UTP6: variants seen among roughly 807,000 people sequenced by gnomAD.
UTP6 encodes UTP6 small subunit processome component, also known as U3 small nucleolar RNA-associated protein 6 homolog.
A neutral mutation model predicts 96.5 loss-of-function variants in UTP6; 60 were observed. That is an observed-to-expected ratio of 0.62 (90% CI 0.51 to 0.77). UTP6 has a LOEUF of 0.77. Ranked by LOEUF, UTP6 falls within the 30% of genes least tolerant of loss-of-function variation. The pLI, the probability that UTP6 is intolerant of heterozygous loss-of-function variation, is 0.00. For synonymous variants in UTP6, 215 were observed against 240.1 expected (o/e 0.90, Z 0.96); for missense variants, 637 against 706.5 (o/e 0.90, Z 1.12).
rs1012038708 is a variant in UTP6 at position 31,861,520 on chromosome 17, G to A, written c.*1839C>T. Reference sequence around the variant, plus strand: ...AGTCCCAGCTACTCAAGAGGCTGAGGTGGGAGGATCTCTTGAGCCCAGAAG... The same window carrying A: ...AGTCCCAGCTACTCAAGAGGCTGAGATGGGAGGATCTCTTGAGCCCAGAAG... On this transcript the variant is annotated 3_prime_UTR_variant, in exon 19 of 19. Coordinates refer to ENST00000261708, the MANE Select transcript of UTP6 (RefSeq NM_018428.3). The A allele has an allele frequency of 1.3e-5, 2 of 151,862 alleles. No homozygotes were observed. Among genetic ancestry groups the A allele is most frequent in the Non-Finnish European group, 1.5e-5 (1 of 68,020 alleles). 9.4% of individuals were successfully genotyped at this position (151,862 alleles called of 1,614,324 possible).
At chr17:31,896,890 A>C (rs1904684393) in intron 2 of UTP6, among the ~76,000 whole-genome samples, 1 of 152,046 alleles carries the variant, frequency 6.6e-6, no homozygotes, top group Admixed American at 6.6e-5. Context: ...CCTGTCTCAC[A>C]CGTGAGCCGC....
chr17:31,870,732 C>G (rs1471864418), intron 16 of UTP6, among the ~76,000 whole-genome samples: 2 of 151,794 alleles, frequency 1.3e-5, no homozygotes, highest in Admixed American at 6.6e-5. Context: ...ACCATATTAG[C>G]CAGGATGGTC....
intron 2 of UTP6, among the ~76,000 whole-genome samples, chr17:31,896,743 C>G (rs1268327789): frequency 6.6e-6 from 1 of 151,690 alleles, no homozygotes; most frequent in East Asian, 2.0e-4. Flanking sequence ...TTCAACTGAT[C>G]CTCCCACCTC....
chr17:31,868,522 G>A (rs1909972878), intron 16 of UTP6, among the ~76,000 whole-genome samples: 1 of 151,708 alleles, frequency 6.6e-6, no homozygotes, highest in South Asian at 2.1e-4. Flanking sequence ...GTAGAGAAGA[G>A]GTCTCACTAG....
Position 31,863,418 on chromosome 17 carries a change from C to G in UTP6, c.1735G>C (p.Gly579Arg). 6.2e-7 allele frequency: 1 copy of G among 1,614,090 alleles called. No homozygotes were observed. ...GCTACAAATGCCTCTGCTGACTCTC[C>G]CTGCAACATTTTCATCGCTCGCCAG... is the stretch of plus-strand genomic sequence containing the variant. ...IYWRAMKMLQ[G>R]ESAEAFVAKH... is the part of the protein sequence containing the mutation. The change falls in exon 19 of 19, where the codon GGA becomes CGA. Residue 579 changes from glycine (G) to arginine (R), a missense_variant. Coordinates refer to ENST00000261708, the MANE Select transcript of UTP6 (RefSeq NM_018428.3).
chr17:31,866,045 A>G (rs1053339769), intron 17 of UTP6, among the ~76,000 whole-genome samples: 1 of 152,104 alleles, frequency 6.6e-6, no homozygotes, highest in Non-Finnish European at 1.5e-5. Flanking sequence ...TTAAAAATGT[A>G]TTCTTGCCGG....
At chr17:31,881,689 A>G (rs555938042) in intron 10 of UTP6, among the ~76,000 whole-genome samples, 1 of 151,924 alleles carries the variant, frequency 6.6e-6, no homozygotes, top group African/African-American at 2.4e-5. Flanking sequence ...CAAGACTCCA[A>G]GAGACCTGAA....
At chr17:31,885,879 T>C (rs1187494173) in intron 9 of UTP6, 101 bp downstream of exon 9, 1 of 998,918 alleles carries the variant, frequency 1.0e-6, no homozygotes, top group Non-Finnish European at 1.5e-6. Context: ...TACAGAGTTT[T>C]ATACACATTC....
Position 31,886,061 on chromosome 17 carries a change from C to G in UTP6, c.622G>C (p.Glu208Gln). 6.2e-7 allele frequency: 1 copy of G among 1,611,702 alleles called. No homozygotes were observed. Among genetic ancestry groups the G allele is most frequent in the Non-Finnish European group, 8.5e-7 (1 of 1,179,458 alleles). The part of the protein sequence containing the change: ...EEFEKASMDV[E>Q]NPDYSEEILK... The stretch of plus-strand genomic sequence containing the variant: ...ATTTCTTCAGAATAATCAGGATTCT[C>G]CTAAAGAGTGTTATATCAAACGTAA... Residue 208 changes from glutamate (E) to glutamine (Q), a missense_variant and splice_region_variant, in exon 9 of 19, where the codon GAG becomes CAG. Coordinates refer to ENST00000261708, the MANE Select transcript of UTP6 (RefSeq NM_018428.3).
chr17:31,896,194 C>T (rs566330697), intron 2 of UTP6, among the ~76,000 whole-genome samples: 1 of 151,950 alleles, frequency 6.6e-6, no homozygotes, highest in African/African-American at 2.4e-5. Context: ...TTTCCTGCCT[C>T]AGCCTCCCCA....
rs180773596 is a variant in UTP6, at chr17:31,889,442, T to C, written c.425-39A>G. 7 of 1,504,930 alleles carry C rather than the reference T, an allele frequency of 4.7e-6. No homozygotes were observed. In the East Asian group the frequency reaches 1.6e-4, roughly 34 times the overall value. 93.2% of individuals were successfully genotyped at this position (1,504,930 alleles called of 1,614,324 possible). ...ACCATCAGATTTCATTTCAATAAAT[T>C]AATCAAGTCAGACAAGAAAAGAACC... On this transcript the variant is annotated intron_variant, in intron 6 of 18. Transcript: ENST00000261708.
intron 10 of UTP6, among the ~76,000 whole-genome samples, chr17:31,883,702 G>A (rs571831767): frequency 1.7e-4 from 26 of 151,430 alleles, no homozygotes; most frequent in African/African-American, 6.1e-4. Context: ...TCTGAGACAC[G>A]GTCTCACTCT....
At chr17:31,864,547 C>T (rs930192900) in intron 18 of UTP6, among the ~76,000 whole-genome samples, 4 of 152,168 alleles carry the variant, frequency 2.6e-5, no homozygotes, top group African/African-American at 9.7e-5. Context: ...CACGTTTACC[C>T]CTTTCATGTA....
chr17:31,887,108 C>A (rs919406752), intron 8 of UTP6, 128 bp downstream of exon 8: 1 of 767,616 alleles, frequency 1.3e-6, no homozygotes, highest in Admixed American at 2.8e-5. Flanking sequence ...GTGTGACAGA[C>A]CGAGACTCCG....
At chr17:31,875,545 C>A in intron 13 of UTP6, 132 bp from the exon 14 acceptor site, 1 of 1,103,126 alleles carries the variant, frequency 9.1e-7, no homozygotes, top group South Asian at 1.7e-5. Context: ...AAAAAAGAGG[C>A]CAGGTGTGGT....
At chr17:31,863,763 C>T (rs1388075788) in intron 18 of UTP6, among the ~76,000 whole-genome samples, 1 of 151,948 alleles carries the variant, frequency 6.6e-6, no homozygotes, top group Non-Finnish European at 1.5e-5. Context: ...AGTGTAGTAG[C>T]GGGAACATGG....
chr17:31,896,279 T>C (rs1904633983), intron 2 of UTP6, among the ~76,000 whole-genome samples: 1 of 151,844 alleles, frequency 6.6e-6, no homozygotes, highest in Non-Finnish European at 1.5e-5. Flanking sequence ...GGTTCCACCA[T>C]GTTGACCAGG....
At chr17:31,892,126 G>C in intron 6 of UTP6, 134 bp downstream of exon 6, 5 of 884,140 alleles carry the variant, frequency 5.7e-6, no homozygotes, top group Non-Finnish European at 8.8e-6. Flanking sequence ...TATTCAGTAA[G>C]AAAAACTGCT....
chr17:31,896,369 C>T (rs1598120647), intron 2 of UTP6, among the ~76,000 whole-genome samples: 1 of 152,086 alleles, frequency 6.6e-6, no homozygotes, highest in African/African-American at 2.4e-5. Flanking sequence ...TGAGCTACCG[C>T]GCTCGGCCCC....
Sources: gnomAD v4.1 joint callset for allele counts (sites outside exome capture counted in the v4.1 genomes callset) on GRCh38, gnomAD v4.1.1 for gene constraint, MANE v1.5 for transcripts, NCBI Gene and HGNC (gene_info 2026-07-23, HGNC 2026-07-21) for gene names.